Variants in EPHX1 observed in about 807,000 individuals in gnomAD.
The protein encoded by EPHX1 is epoxide hydratase.
EPHX1 carries 40 observed loss-of-function variants against 43.2 expected under a neutral mutation model. The ratio of observed to expected loss-of-function variants is 0.93; its 90% CI spans 0.72 to 1.21. The LOEUF is 1.21. EPHX1 is among the 50% of genes most tolerant of loss of function. EPHX1 has a pLI of 0.00. For missense variants in EPHX1, 550 were observed against 570.4 expected (o/e 0.96, Z 0.36); for synonymous variants, 221 against 226.7 (o/e 0.98, Z 0.22).
intron 2 of EPHX1, 37 bp from the exon 3 acceptor site, chr1:225,831,742 C>T (rs746117029): frequency 8.7e-6 from 14 of 1,607,620 alleles, no homozygotes; most frequent in Non-Finnish European, 1.2e-5. Flanking sequence ...CTGTCCTTCC[C>T]ATCCCTCTCA....
At position 225,839,259 on chromosome 1, in the gene EPHX1, T is replaced by G; in HGVS notation, c.635T>G (p.Met212Arg). 1 of 1,614,100 alleles carries G rather than the reference T, an allele frequency of 6.2e-7. No homozygotes were observed. ...VATARIFYKL[M>R]LRLGFQEFYI... is the part of the protein sequence containing the mutation. Reference sequence around the variant, plus strand: ...ACCGCCAGGATCTTTTACAAGCTGATGCTGCGGCTGGGCTTCCAGGAATTC... The same window carrying G: ...ACCGCCAGGATCTTTTACAAGCTGAGGCTGCGGCTGGGCTTCCAGGAATTC... Residue 212 changes from methionine (M) to arginine (R), a missense_variant, in exon 5 of 9, where the codon ATG becomes AGG. Transcript: ENST00000272167.
At chr1:225,839,676 C>CA (rs1668227405) in intron 5 of EPHX1, among the ~76,000 whole-genome samples, 153 bp from the exon 6 acceptor site, 1 of 152,150 alleles carries the variant, frequency 6.6e-6, no homozygotes, top group Non-Finnish European at 1.5e-5. Flanking sequence ...CTCCCTTCTC[C>CA]AACTCCCATG....
Position 225,838,781 on chromosome 1 carries a change from G to T in EPHX1, c.492G>T (p.Leu164=). The change falls in exon 4 of 9, where the codon CTG becomes CTT. Residue 164 remains leucine (L), a synonymous_variant. Transcript: ENST00000272167. ...AGTTTTATAAGATCATCCCACTCCT[G>T]ACTGACCCCAAGAACCATGGCCTGA... ...FYEFYKIIPL[L]TDPKNHGLSD... is the part of the protein sequence containing the mutation. 6.2e-7 allele frequency: 1 copy of T among 1,614,168 alleles called. No homozygotes were observed. Among genetic ancestry groups the T allele is most frequent in the Non-Finnish European group, 8.5e-7 (1 of 1,180,020 alleles).
intron 1 of EPHX1, chr1:225,825,686 C>A (rs760533808): frequency 1.3e-5 from 2 of 152,240 alleles, no homozygotes; most frequent in Non-Finnish European, 2.9e-5. Flanking sequence ...TGGAGCTCTT[C>A]GCTGTGCTGG....
chr1:225,839,459 G>T, intron 5 of EPHX1, 113 bp downstream of exon 5: 1 of 1,542,796 alleles, frequency 6.5e-7, no homozygotes, highest in South Asian at 1.2e-5. Flanking sequence ...GGGGAGAGGA[G>T]GGAGTGTGAC....
At position 225,833,571 on chromosome 1, in the gene EPHX1, G is replaced by C. The variant is rs1178260062; in HGVS notation, c.364+1612G>C. ...AGCACTTTGGGAGGCTGAGGCAGGTGGATCACGAGGTCAGGAGGTTGAGAC... is the reference window on the plus strand; with the variant it reads ...AGCACTTTGGGAGGCTGAGGCAGGTCGATCACGAGGTCAGGAGGTTGAGAC... On this transcript the variant is annotated intron_variant, in intron 3 of 8. Transcript: ENST00000272167. Among the ~76,000 whole-genome samples, 5 of 149,944 alleles carry C rather than the reference G, an allele frequency of 3.3e-5. No individual in the cohort carries two copies. The East Asian group carries it at 1.0e-3, about 30-fold the overall frequency.
At chr1:225,820,854 T>C (rs910511070) in intron 1 of EPHX1, among the ~76,000 whole-genome samples, 3 of 152,100 alleles carry the variant, frequency 2.0e-5, no homozygotes, top group Non-Finnish European at 4.4e-5. Flanking sequence ...TGTTTATCTG[T>C]TATCCGTTTG....
chr1:225,839,442 C>T (rs1281893267), intron 5 of EPHX1, 96 bp downstream of exon 5: 4 of 1,569,028 alleles, frequency 2.5e-6, no homozygotes, highest in Non-Finnish European at 3.4e-6. Context: ...GGGCCAAGGA[C>T]CCCCCAGGGG....
At chr1:225,826,515 C>T (rs3820233) in intron 1 of EPHX1, among the ~76,000 whole-genome samples, 65,374 of 149,100 alleles carry the variant, frequency 0.44, 14,457 homozygotes, top group Non-Finnish European at 0.45. Flanking sequence ...CATGCATCAA[C>T]GTGTCCCACG....
chr1:225,824,059 C>T (rs905932868), intron 1 of EPHX1, among the ~76,000 whole-genome samples: 18 of 152,184 alleles, frequency 1.2e-4, no homozygotes, highest in African/African-American at 3.9e-4. Flanking sequence ...CTCCCTGTCT[C>T]GAACTGCAGC....
chr1:225,829,715 C>A (rs986557117), intron 2 of EPHX1, among the ~76,000 whole-genome samples: 1 of 152,068 alleles, frequency 6.6e-6, no homozygotes, highest in Non-Finnish European at 1.5e-5. Flanking sequence ...CAGCCCCTTC[C>A]GTCCAACAGC....
chr1:225,835,963 G>C (rs1287708039), intron 3 of EPHX1, among the ~76,000 whole-genome samples: 1 of 152,156 alleles, frequency 6.6e-6, no homozygotes, highest in Non-Finnish European at 1.5e-5. Flanking sequence ...CACCCTGCCC[G>C]GGGCTGGAGG....
chr1:225,815,157 A>T (rs1393960111), intron 1 of EPHX1, among the ~76,000 whole-genome samples: 1 of 84,414 alleles, frequency 1.2e-5, no homozygotes, highest in African/African-American at 3.4e-5. Context: ...TTCCGGTTCC[A>T]TGTGTGCCTC....
At position 225,845,365 on chromosome 1, in the gene EPHX1, GCCTGCCACCTCCCCCCA is replaced by G; in HGVS notation, c.*20_*36del. The G allele has an allele frequency of 6.9e-7, 1 of 1,453,208 alleles. No homozygotes were observed. The highest frequency in any genetic ancestry group is 1.2e-5 in the South Asian group (1 of 82,756). 90.0% of individuals were successfully genotyped at this position (1,453,208 alleles called of 1,614,324 possible). A position where few individuals can be genotyped will look rare whatever the true frequency, so the allele number is the denominator to read the frequency against. Reference sequence around the variant, plus strand: ...GGCAATGACCCACCCCTCTCCCCCCGCCTGCCACCTCCCCCCACAAGTGCCCTCCAGGCTTTTCTTGG... The same window carrying G: ...GGCAATGACCCACCCCTCTCCCCCCGCAAGTGCCCTCCAGGCTTTTCTTGG... On this transcript the variant is annotated 3_prime_UTR_variant, in exon 9 of 9. Transcript: ENST00000272167.
intron 1 of EPHX1, among the ~76,000 whole-genome samples, 168 bp from the exon 2 acceptor site, chr1:225,828,557 A>AGT (rs1320214704): frequency 2.0e-5 from 3 of 148,528 alleles, no homozygotes; most frequent in Non-Finnish European, 3.0e-5. Context: ...ATATGTATAT[A>AGT]GTGTGTGTAT....
intron 7 of EPHX1, among the ~76,000 whole-genome samples, chr1:225,843,857 A>T (rs983615548): frequency 3.7e-4 from 57 of 152,284 alleles, no homozygotes; most frequent in African/African-American, 1.3e-3. Context: ...ACCAGTTTTC[A>T]TTTTGCCACC....
rs1668184226 is a variant in EPHX1 at position 225,839,366 on chromosome 1, G to A, written c.722+20G>A. 6.4e-7 allele frequency: 1 copy of A among 1,559,614 alleles called. No homozygotes were observed. Reference sequence around the variant, plus strand: ...GCCCAGGTGAGGTCACTGTTGGGGTGGTGTGTGTGTGTGTGTGTGTGTGTG... The same window carrying A: ...GCCCAGGTGAGGTCACTGTTGGGGTAGTGTGTGTGTGTGTGTGTGTGTGTG... On this transcript the variant is annotated intron_variant, in intron 5 of 8. Coordinates refer to ENST00000272167, the MANE Select transcript of EPHX1 (RefSeq NM_001136018.4).
rs546074002 is a variant in EPHX1, at chr1:225,828,158, A to G, written c.-5-567A>G. Among the ~76,000 whole-genome samples the G allele has an allele frequency of 7.2e-5, 11 of 152,310 alleles. 1 individual carries two copies. In the South Asian group the frequency reaches 2.3e-3, roughly 32 times the overall value. Reference sequence around the variant, plus strand: ...CAAGAGATTGAGACCATCCTGGCTAACATGGTGAAACCCCATCTCTACTAA... The same window carrying G: ...CAAGAGATTGAGACCATCCTGGCTAGCATGGTGAAACCCCATCTCTACTAA... On this transcript the variant is annotated intron_variant, in intron 1 of 8. Coordinates refer to ENST00000272167, the MANE Select transcript of EPHX1 (RefSeq NM_001136018.4).
chr1:225,832,648 A>G (rs1023720392), intron 3 of EPHX1, among the ~76,000 whole-genome samples: 1 of 152,250 alleles, frequency 6.6e-6, no homozygotes, highest in African/African-American at 2.4e-5. Context: ...CAGCAGCTGC[A>G]CCATTTTACT....
Sources: allele counts gnomAD v4.1 joint callset (sites outside exome capture counted in the v4.1 genomes callset), GRCh38; gene constraint gnomAD v4.1.1; transcripts MANE v1.5; gene names NCBI Gene and HGNC (gene_info 2026-07-23, HGNC 2026-07-21).